OR1J2: variants seen among roughly 807,000 people sequenced by gnomAD.
OR1J2 encodes olfactory receptor family 1 subfamily J member 2, also known as olfactory receptor 1J2.
For missense variants in OR1J2, 304 were observed against 246.1 expected (o/e 1.24, Z -1.57); for synonymous variants, 142 against 99.7 (o/e 1.42, Z -2.52).
chr9:122,556,875 T>C, the OR1J2 span, among the ~76,000 whole-genome samples: 1 of 152,184 alleles, frequency 6.6e-6, no homozygotes, highest in Non-Finnish European at 1.5e-5. Flanking sequence ...AGTTTTCCTA[T>C]ACATGAACAT....
chr9:122,514,480 G>T (rs1420217714), downstream of OR1J2, among the ~76,000 whole-genome samples: 3 of 152,198 alleles, frequency 2.0e-5, no homozygotes, highest in Admixed American at 6.5e-5. Context: ...TGCCTTCGTA[G>T]TATTCCATGG....
At chr9:122,462,707 T>G in the OR1J2 span, among the ~76,000 whole-genome samples, 1 of 152,216 alleles carries the variant, frequency 6.6e-6, no homozygotes, top group Non-Finnish European at 1.5e-5. Flanking sequence ...TACAAAATTC[T>G]TGGCTGATAA....
chr9:122,514,084 C>A (rs1828670691), downstream of OR1J2, among the ~76,000 whole-genome samples: 1 of 151,966 alleles, frequency 6.6e-6, no homozygotes, highest in East Asian at 1.9e-4. Flanking sequence ...AAATAAATCC[C>A]ATTATGTAAA....
At chr9:122,515,767 C>A (rs1262332006), downstream of OR1J2, among the ~76,000 whole-genome samples, 1 of 152,144 alleles carries the variant, frequency 6.6e-6, no homozygotes, top group Non-Finnish European at 1.5e-5. Flanking sequence ...TGGGTCCTTT[C>A]TTCTTTTGTG....
the OR1J2 span, chr9:122,553,634 C>G: frequency 3.1e-6 from 5 of 1,614,116 alleles, no homozygotes; most frequent in Non-Finnish European, 4.2e-6. Flanking sequence ...CTATGAGTCC[C>G]CAGCTCTGTG....
At chr9:122,524,912 C>G in the OR1J2 span, among the ~76,000 whole-genome samples, 2 of 152,134 alleles carry the variant, frequency 1.3e-5, no homozygotes, top group Non-Finnish European at 2.9e-5. Flanking sequence ...AAGAGCTGAT[C>G]ATGAGAAGTG....
the OR1J2 span, among the ~76,000 whole-genome samples, chr9:122,468,706 C>T: frequency 5.1e-3 from 780 of 152,298 alleles, 8 homozygotes; most frequent in Admixed American, 7.3e-3. Context: ...TTAGTCAAGG[C>T]GACTGAGGAG....
chr9:122,526,163 A>G, the OR1J2 span, among the ~76,000 whole-genome samples: 1 of 152,190 alleles, frequency 6.6e-6, no homozygotes, highest in Non-Finnish European at 1.5e-5. Flanking sequence ...TTCATAGTTT[A>G]TTTCAGTTAA....
chr9:122,540,548 G>A, the OR1J2 span, among the ~76,000 whole-genome samples: 7 of 151,886 alleles, frequency 4.6e-5, no homozygotes, highest in South Asian at 2.1e-4. Flanking sequence ...GTCAGGTAGC[G>A]TGATGCCTCC....
chr9:122,529,411 T>C, the OR1J2 span, among the ~76,000 whole-genome samples: 211 of 152,342 alleles, frequency 1.4e-3, no homozygotes, highest in African/African-American at 4.9e-3. Context: ...AAGAGCAGCA[T>C]CTTTTTGATC....
the OR1J2 span, chr9:122,476,997 T>C: frequency 6.3e-7 from 1 of 1,598,130 alleles, no homozygotes; most frequent in South Asian, 1.1e-5. Flanking sequence ...CATGAGCCAC[T>C]GCGCCTGACC....
the OR1J2 span, among the ~76,000 whole-genome samples, chr9:122,561,943 A>G: frequency 6.6e-5 from 10 of 152,224 alleles, no homozygotes; most frequent in African/African-American, 2.4e-4. Context: ...AGTAGGAAAA[A>G]CTAAGTCTGC....
chr9:122,465,302 C>A, the OR1J2 span, among the ~76,000 whole-genome samples: 7 of 152,166 alleles, frequency 4.6e-5, no homozygotes, highest in Non-Finnish European at 7.3e-5. Flanking sequence ...CACTGTAAAA[C>A]AAAACACCAG....
the OR1J2 span, among the ~76,000 whole-genome samples, chr9:122,571,640 C>T: frequency 1.3e-5 from 2 of 150,986 alleles, no homozygotes; most frequent in East Asian, 1.9e-4. Context: ...CGCTTGAACC[C>T]GGGAGGCGGA....
At chr9:122,567,207 G>A in the OR1J2 span, 19 of 187,806 alleles carry the variant, frequency 1.0e-4, no homozygotes, top group African/African-American at 4.4e-4. Flanking sequence ...ATATTGAAAT[G>A]TGAAGAATTT....
chr9:122,560,272 C>A, the OR1J2 span, among the ~76,000 whole-genome samples: 1 of 152,100 alleles, frequency 6.6e-6, no homozygotes, highest in South Asian at 2.1e-4. Context: ...TAGGTCTTGA[C>A]TCTTTATCCA....
At chr9:122,523,045 A>G in the OR1J2 span, among the ~76,000 whole-genome samples, 1 of 152,182 alleles carries the variant, frequency 6.6e-6, no homozygotes, top group Non-Finnish European at 1.5e-5. Flanking sequence ...AGACGATGAA[A>G]TACTTACATG....
At chr9:122,463,386 G>T in the OR1J2 span, among the ~76,000 whole-genome samples, 1 of 152,078 alleles carries the variant, frequency 6.6e-6, no homozygotes, top group Non-Finnish European at 1.5e-5. Flanking sequence ...GTGCCTCCCT[G>T]ATTGGCTTAA....
chr9:122,568,648 C>T, the OR1J2 span: 5 of 535,262 alleles, frequency 9.3e-6, no homozygotes, highest in African/African-American at 3.8e-5. Flanking sequence ...GGGGTCCTCC[C>T]TTCCCAAATC....
Sources: gnomAD v4.1 joint callset for allele counts (sites outside exome capture counted in the v4.1 genomes callset) on GRCh38, gnomAD v4.1.1 for gene constraint, MANE v1.5 for transcripts, NCBI Gene and HGNC (gene_info 2026-07-23, HGNC 2026-07-21) for gene names.